LYPD6: variants seen among roughly 807,000 people sequenced by gnomAD.
The protein encoded by LYPD6 is ly6/PLAUR domain-containing protein 6.
In LYPD6, 15 loss-of-function variants were observed where a neutral mutation model predicts 22.7. The observed-to-expected ratio is 0.66, with a 90% CI of 0.44 to 1.02. The LOEUF (loss-of-function observed/expected upper bound fraction) is 1.02, where lower values mean the gene tolerates loss of function less well. Ranked by LOEUF, LYPD6 falls within the 50% of genes least tolerant of loss-of-function variation. The pLI is 0.00. For missense variants in LYPD6, 189 were observed against 208.4 expected, an observed-to-expected ratio of 0.91 and a Z score of 0.57; for synonymous variants, 72 against 77.5, an observed-to-expected ratio of 0.93 and a Z score of 0.37.
chr2:149,381,376 A>C (rs1022994521), intron 1 of LYPD6, among the ~76,000 whole-genome samples: 6 of 152,064 alleles, frequency 3.9e-5, no homozygotes, highest in African/African-American at 1.4e-4. Flanking sequence ...AGGGAGGAAG[A>C]GATGGGGTCT....
At chr2:149,356,064 G>A (rs1292653490) in intron 1 of LYPD6, among the ~76,000 whole-genome samples, 6 of 151,370 alleles carry the variant, frequency 4.0e-5, no homozygotes, top group Non-Finnish European at 8.8e-5. Flanking sequence ...GGACTTGAGA[G>A]CATTTAATAC....
upstream of LYPD6, chr2:149,330,562 C>A (rs551975771): frequency 2.0e-5 from 3 of 150,762 alleles, no homozygotes; most frequent in Non-Finnish European, 4.4e-5. Flanking sequence ...CCCTAGCCGC[C>A]CCCCGCCTCT....
intron 1 of LYPD6, among the ~76,000 whole-genome samples, chr2:149,404,717 C>T: frequency 6.6e-6 from 1 of 152,152 alleles, no homozygotes; most frequent in Non-Finnish European, 1.5e-5. Flanking sequence ...TATTTGAATA[C>T]CCTTTATTTC....
In LYPD6 at chr2:149,456,424, A is replaced by G. The variant is rs530253489; in HGVS notation, c.217+7277A>G. 2.6e-5 allele frequency among the ~76,000 whole-genome samples: 4 copies of G among 152,264 alleles called. No individual in the cohort carries two copies. The South Asian group carries it at 8.3e-4, about 32-fold the overall frequency. ...ATGCCTGTTTTCAGTCACTTTTCCTACCACCAAGGGTCGCTGTTATAGACT... is the reference window on the plus strand; with the variant it reads ...ATGCCTGTTTTCAGTCACTTTTCCTGCCACCAAGGGTCGCTGTTATAGACT... On this transcript the variant is annotated intron_variant, in intron 3 of 4. Transcript: ENST00000334166.
Position 149,400,449 on chromosome 2 carries a change from T to C in LYPD6, c.-71-37189T>C, listed in dbSNP as rs544400237. Among the ~76,000 whole-genome samples the C allele has an allele frequency of 8.5e-5, 13 of 152,266 alleles. No homozygotes were observed. The South Asian group carries it at 2.7e-3, about 32-fold the overall frequency. On this transcript the variant is annotated intron_variant, in intron 1 of 4. Coordinates refer to ENST00000334166, the MANE Select transcript of LYPD6 (RefSeq NM_194317.5). The stretch of plus-strand genomic sequence containing the variant: ...TGTGTGTGAGTGAATGCCGCATTGG[T>C]GTGTTTACAGTTCAGTGTCTTTCCG...
chr2:149,441,778 A>G (rs1475207242), intron 2 of LYPD6, among the ~76,000 whole-genome samples: 3 of 152,222 alleles, frequency 2.0e-5, no homozygotes, highest in Non-Finnish European at 4.4e-5. Flanking sequence ...CAGACATAGT[A>G]AGAGATAGCA....
intron 1 of LYPD6, among the ~76,000 whole-genome samples, chr2:149,355,682 T>C (rs2105063058): frequency 6.6e-6 from 1 of 152,270 alleles, no homozygotes; most frequent in Non-Finnish European, 1.5e-5. Flanking sequence ...CCAAATGTCA[T>C]GGAGGTCTTT....
chr2:149,381,122 A>G (rs147855826), intron 1 of LYPD6, among the ~76,000 whole-genome samples: 1,560 of 152,242 alleles, frequency 0.01, 24 homozygotes, highest in African/African-American at 0.035. Context: ...TGACAACAAA[A>G]TGGAAGAAGA....
chr2:149,484,419 A>G, the LYPD6 span, among the ~76,000 whole-genome samples: 2 of 152,216 alleles, frequency 1.3e-5, no homozygotes, highest in Non-Finnish European at 2.9e-5. Flanking sequence ...AATCCTTTTC[A>G]GACTAAACAC....
At chr2:149,389,300 T>A (rs573380150) in intron 1 of LYPD6, among the ~76,000 whole-genome samples, 2 of 151,618 alleles carry the variant, frequency 1.3e-5, no homozygotes, top group African/African-American at 4.8e-5. Flanking sequence ...TGGGGGAGAG[T>A]TGGGGTAGCT....
intron 3 of LYPD6, among the ~76,000 whole-genome samples, chr2:149,467,727 T>C (rs1013298859): frequency 1.6e-4 from 24 of 152,290 alleles, no homozygotes; most frequent in African/African-American, 5.5e-4. Flanking sequence ...TTCTTAAGAA[T>C]TATTCATTTT....
In LYPD6 at chr2:149,413,926, C is replaced by T. The variant is rs1393558146; in HGVS notation, c.-71-23712C>T. On this transcript the variant is annotated intron_variant, in intron 1 of 4. Transcript: ENST00000334166. ...TGATCAATAAGAACATATCTTATAA[C>T]CTTTACAGGTTATTGAAAATGTGCA... Among the ~76,000 whole-genome samples the T allele has an allele frequency of 2.6e-5, 4 of 152,276 alleles. 1 individual carries two copies. The South Asian group carries it at 6.2e-4, about 24-fold the overall frequency.
At chr2:149,396,664 T>G (rs1268740440) in intron 1 of LYPD6, among the ~76,000 whole-genome samples, 3 of 152,188 alleles carry the variant, frequency 2.0e-5, no homozygotes, top group Admixed American at 2.0e-4. Context: ...ATGGGGTTGA[T>G]TTACTATTGA....
chr2:149,346,813 G>T lies in LYPD6; in HGVS notation c.-72+16091G>T, dbSNP rs553668556. Among the ~76,000 whole-genome samples, 171 of 152,284 alleles carry T rather than the reference G, an allele frequency of 1.1e-3. 2 individuals carry two copies. Among genetic ancestry groups the T allele is most frequent in the African/African-American group, 2.6e-3 (108 of 41,572 alleles). On this transcript the variant is annotated intron_variant, in intron 1 of 4. Coordinates refer to ENST00000334166, the MANE Select transcript of LYPD6 (RefSeq NM_194317.5). Reference sequence around the variant, plus strand: ...CCTCCCGGGTTCTAGCGGTTCTCCTGCCTCAGCCTCCCAAGTAGCTGGGAC... The same window carrying T: ...CCTCCCGGGTTCTAGCGGTTCTCCTTCCTCAGCCTCCCAAGTAGCTGGGAC...
intron 1 of LYPD6, among the ~76,000 whole-genome samples, chr2:149,433,159 A>G (rs1683354702): frequency 6.6e-6 from 1 of 152,186 alleles, no homozygotes; most frequent in African/African-American, 2.4e-5. Flanking sequence ...AAATTCAACT[A>G]CTTTAAGAAT....
At chr2:149,410,585 C>G (rs925578623) in intron 1 of LYPD6, among the ~76,000 whole-genome samples, 3 of 151,896 alleles carry the variant, frequency 2.0e-5, no homozygotes, top group African/African-American at 7.3e-5. Context: ...ATTTCTGGTA[C>G]AGTTAATCCT....
rs190803080 is a variant in LYPD6, at chr2:149,447,701, T to G, written c.119-1348T>G. On this transcript the variant is annotated intron_variant, in intron 2 of 4. Coordinates refer to ENST00000334166, the MANE Select transcript of LYPD6 (RefSeq NM_194317.5). ...AATGGTCAAACATCAGGAAATTTTA[T>G]GATGATTCAACCCAATATTTTTATT... Among the ~76,000 whole-genome samples the G allele has an allele frequency of 2.0e-5, 3 of 152,384 alleles. No individual in the cohort carries two copies. The East Asian group carries it at 5.8e-4, about 29-fold the overall frequency.
At chr2:149,464,052 T>C (rs991726479) in intron 3 of LYPD6, 2 of 395,732 alleles carry the variant, frequency 5.1e-6, no homozygotes, top group Admixed American at 8.0e-5. Context: ...GGATCTCCTA[T>C]TATTAATATT....
At chr2:149,484,885 T>C in the LYPD6 span, among the ~76,000 whole-genome samples, 7 of 152,318 alleles carry the variant, frequency 4.6e-5, no homozygotes, top group Admixed American at 4.6e-4. Context: ...AGGATATCTT[T>C]AGTACTGCCC....
Sources: allele counts gnomAD v4.1 joint callset (sites outside exome capture counted in the v4.1 genomes callset), GRCh38; gene constraint gnomAD v4.1.1; transcripts MANE v1.5; gene names NCBI Gene and HGNC (gene_info 2026-07-23, HGNC 2026-07-21).